Variants in ATRNL1 observed in about 807,000 individuals in gnomAD.
The protein encoded by ATRNL1 is attractin like 1, also known as attractin-like protein 1.
Under a neutral mutation model 182.7 loss-of-function variants are expected in ATRNL1, and 95 were observed. The ratio of observed to expected loss-of-function variants is 0.52; its 90% CI spans 0.44 to 0.62. The LOEUF is 0.62. Ranked by LOEUF, ATRNL1 falls within the 20% of genes least tolerant of loss-of-function variation. The probability of loss-of-function intolerance (pLI) is 0.00; values close to 1 mark genes in which losing one functional copy is unlikely to be tolerated. For missense variants in ATRNL1, 1,471 were observed against 1,679.5 expected, an observed-to-expected ratio of 0.88 and a Z score of 2.17; for synonymous variants, 576 against 568.3, an observed-to-expected ratio of 1.01 and a Z score of -0.19.
chr10:115,830,683 T>C (rs917622628), intron 27 of ATRNL1, among the ~76,000 whole-genome samples: 13 of 152,162 alleles, frequency 8.5e-5, no homozygotes, highest in Non-Finnish European at 1.6e-4. Context: ...TTTTGCACTG[T>C]TGGTTTCAGA....
At position 115,445,317 on chromosome 10, in the gene ATRNL1, A is replaced by T. The variant is rs1374979365; in HGVS notation, c.3323-16624A>T. ...TGTGGGGGCACACGCCTGTAATCCC[A>T]GTTACTCAGGAGCTGAGGCACAAGA... is the stretch of plus-strand genomic sequence containing the variant. On this transcript the variant is annotated intron_variant, in intron 21 of 28. Coordinates refer to ENST00000355044, the MANE Select transcript of ATRNL1 (RefSeq NM_207303.4). Among the ~76,000 whole-genome samples, 4 of 149,554 alleles carry T rather than the reference A, an allele frequency of 2.7e-5. No homozygotes were observed. In the Admixed American group the frequency reaches 2.7e-4, roughly 10 times the overall value.
intron 19 of ATRNL1, among the ~76,000 whole-genome samples, chr10:115,343,855 G>A (rs1426748713): frequency 1.3e-5 from 2 of 152,182 alleles, no homozygotes; most frequent in East Asian, 1.9e-4. Context: ...GGGACCCTAA[G>A]CCCAGTAATA....
chr10:115,782,689 A>T (rs1555079582), intron 27 of ATRNL1, among the ~76,000 whole-genome samples: 1 of 152,184 alleles, frequency 6.6e-6, no homozygotes. Context: ...TCTTTTAGAA[A>T]ATCATTTTAC....
Position 115,241,611 on chromosome 10 carries a change from T to G in ATRNL1, c.1573T>G (p.Ser525Ala). 6.2e-7 allele frequency: 1 copy of G among 1,610,380 alleles called. No individual in the cohort carries two copies. The highest frequency in any genetic ancestry group is 8.5e-7 in the Non-Finnish European group (1 of 1,177,472). Residue 525 changes from serine to alanine, a missense_variant, in exon 10 of 29, where the codon TCA becomes GCA. Ser to Ala is a moderately conservative substitution (Grantham distance 99). Coordinates refer to ENST00000355044, the MANE Select transcript of ATRNL1 (RefSeq NM_207303.4). The stretch of plus-strand genomic sequence containing the variant: ...AAGTGGGTTTGCCAGATACCTTCAT[T>G]CAGCTGTTCTTATCAATGGAGCTAT... ...KESGFARYLHSAVLINGAMLI... is the reference protein window; with the variant it reads ...KESGFARYLHAAVLINGAMLI...
chr10:115,349,595 A>G (rs138793354), intron 19 of ATRNL1, among the ~76,000 whole-genome samples: 181 of 152,298 alleles, frequency 1.2e-3, no homozygotes, highest in Non-Finnish European at 2.1e-3. Context: ...ACAGTGTGTG[A>G]GAGCATGCCC....
At chr10:115,849,499 A>G (rs1951004738) in intron 28 of ATRNL1, among the ~76,000 whole-genome samples, 1 of 152,162 alleles carries the variant, frequency 6.6e-6, no homozygotes, top group African/African-American at 2.4e-5. Context: ...TTAACCTTTG[A>G]AGTCCTTTTT....
intron 9 of ATRNL1, among the ~76,000 whole-genome samples, chr10:115,222,259 A>G (rs994197996): frequency 3.9e-5 from 6 of 152,196 alleles, no homozygotes; most frequent in African/African-American, 1.4e-4. Context: ...GGAAACATCC[A>G]GAAGGAAGTA....
intron 26 of ATRNL1, among the ~76,000 whole-genome samples, chr10:115,552,994 G>C (rs1446707059): frequency 1.3e-5 from 2 of 151,232 alleles, no homozygotes; most frequent in African/African-American, 4.8e-5. Flanking sequence ...TCACATTACT[G>C]AAATATTTGT....
intron 19 of ATRNL1, among the ~76,000 whole-genome samples, chr10:115,393,689 T>C (rs576710832): frequency 5.9e-5 from 9 of 152,232 alleles, no homozygotes; most frequent in African/African-American, 1.9e-4. Context: ...GATTATATTG[T>C]TGTCAGTAAG....
In ATRNL1 at chr10:115,474,441, CTGTT is replaced by C. The variant is rs781825050; in HGVS notation, c.3654+5115_3654+5118del. ...TAGTGAAGTCCTTTTTAGATTGAAT[CTGTT>C]TGGTGATGTTCAGCTTCATGGATCT... On this transcript the variant is annotated intron_variant, in intron 24 of 28. Coordinates refer to ENST00000355044, the MANE Select transcript of ATRNL1 (RefSeq NM_207303.4). Among the ~76,000 whole-genome samples, 17 of 151,366 alleles carry C rather than the reference CTGTT, an allele frequency of 1.1e-4. 1 individual carries two copies. Among genetic ancestry groups the C allele is most frequent in the Middle Eastern group, 6.8e-3 (2 of 294 alleles).
In ATRNL1 at chr10:115,334,262, C is replaced by G; in HGVS notation, c.3038-20C>G. ...GATATTATGTTAGATATTTGTAATG[C>G]TTTTTACTGTTTCCTTTAGCTTGCC... On this transcript the variant is annotated intron_variant, in intron 18 of 28. Transcript: ENST00000355044. 2 of 1,439,476 alleles carry G rather than the reference C, an allele frequency of 1.4e-6. No individual in the cohort carries two copies. The highest frequency in any genetic ancestry group is 1.9e-6 in the Non-Finnish European group (2 of 1,066,188). 89.2% of individuals were successfully genotyped at this position (1,439,476 alleles called of 1,614,324 possible).
intron 27 of ATRNL1, among the ~76,000 whole-genome samples, chr10:115,805,604 T>C: frequency 6.6e-6 from 1 of 152,164 alleles, no homozygotes; most frequent in East Asian, 1.9e-4. Flanking sequence ...CTTAGTTCTA[T>C]GTAGTATCAC....
intron 28 of ATRNL1, among the ~76,000 whole-genome samples, chr10:115,903,991 T>A (rs1952430129): frequency 6.6e-6 from 1 of 151,238 alleles, no homozygotes; most frequent in African/African-American, 2.4e-5. Flanking sequence ...CTATGAAGGG[T>A]ACAGGGAGGA....
chr10:115,185,361 T>C (rs1025968577), intron 8 of ATRNL1, among the ~76,000 whole-genome samples: 9 of 151,974 alleles, frequency 5.9e-5, no homozygotes, highest in African/African-American at 1.7e-4. Flanking sequence ...CAAGTACATC[T>C]TGTTATATCA....
intron 6 of ATRNL1, among the ~76,000 whole-genome samples, chr10:115,160,531 T>C (rs1279516117): frequency 2.2e-4 from 33 of 150,418 alleles, no homozygotes; most frequent in African/African-American, 6.4e-4. Flanking sequence ...CATGCCACTT[T>C]TTTTTTTTAA....
intron 8 of ATRNL1, among the ~76,000 whole-genome samples, chr10:115,208,623 G>A (rs782208655): frequency 1.1e-4 from 17 of 151,944 alleles, no homozygotes; most frequent in East Asian, 1.9e-4. Flanking sequence ...CCTGTAGTAC[G>A]AGGCCATTTT....
chr10:115,252,336 T>C (rs1469089248), intron 10 of ATRNL1, among the ~76,000 whole-genome samples: 1 of 152,118 alleles, frequency 6.6e-6, no homozygotes, highest in Non-Finnish European at 1.5e-5. Flanking sequence ...GAAGGTCTTA[T>C]AGATTCTTTG....
chr10:115,892,781 G>A (rs1340333373), intron 28 of ATRNL1, among the ~76,000 whole-genome samples: 2 of 152,152 alleles, frequency 1.3e-5, no homozygotes, highest in African/African-American at 4.8e-5. Context: ...AGAAGGGATC[G>A]AGTTGTTTCA....
chr10:115,315,083 C>T (rs542683470), intron 17 of ATRNL1, among the ~76,000 whole-genome samples: 8 of 152,258 alleles, frequency 5.3e-5, no homozygotes, highest in South Asian at 2.1e-4. Flanking sequence ...AATGGGCAGA[C>T]GTCACTTATA....
Sources: gnomAD v4.1 joint callset for allele counts (sites outside exome capture counted in the v4.1 genomes callset) on GRCh38, gnomAD v4.1.1 for gene constraint, MANE v1.5 for transcripts, NCBI Gene and HGNC (gene_info 2026-07-23, HGNC 2026-07-21) for gene names.